The following TRHDE variants were observed in gnomAD, a reference collection of about 807,000 sequenced individuals.
TRHDE encodes the protein thyrotropin releasing hormone degrading enzyme, also known as thyrotropin-releasing hormone-degrading ectoenzyme.
A neutral mutation model predicts 125.7 loss-of-function variants in TRHDE; 72 were observed. The observed-to-expected ratio is 0.57, with a 90% CI of 0.47 to 0.70. The LOEUF is 0.70. TRHDE is among the 30% of genes least tolerant of loss of function. The pLI is 0.00. For synonymous variants in TRHDE, 509 were observed against 509.1 expected (o/e 1.00, Z 0.00); for missense variants, 1,110 against 1,327.1 (o/e 0.84, Z 2.54).
At chr12:72,339,627 G>T (rs1869990084) in intron 2 of TRHDE, among the ~76,000 whole-genome samples, 1 of 151,978 alleles carries the variant, frequency 6.6e-6, no homozygotes, top group Non-Finnish European at 1.5e-5. Context: ...TATTCCTTCT[G>T]CCTGAAAACA....
intron 6 of TRHDE, among the ~76,000 whole-genome samples, chr12:72,502,772 C>T (rs556119809): frequency 1.3e-5 from 2 of 152,238 alleles, no homozygotes; most frequent in East Asian, 1.9e-4. Flanking sequence ...GATTCACTCA[C>T]GTAGTACCAA....
chr12:72,565,815 C>T (rs924769358), intron 9 of TRHDE, among the ~76,000 whole-genome samples: 1 of 151,592 alleles, frequency 6.6e-6, no homozygotes, highest in African/African-American at 2.4e-5. Flanking sequence ...ACAATGAAAA[C>T]GACTGATAAG....
At chr12:72,198,399 A>G (rs1343863413) in intron 2 of TRHDE, among the ~76,000 whole-genome samples, 1 of 152,112 alleles carries the variant, frequency 6.6e-6, no homozygotes, top group Non-Finnish European at 1.5e-5. Context: ...TTATGAGGAC[A>G]GGGATTATAC....
intron 5 of TRHDE, among the ~76,000 whole-genome samples, chr12:72,489,808 G>A (rs549476656): frequency 2.6e-5 from 4 of 151,806 alleles, no homozygotes; most frequent in Admixed American, 6.6e-5. Flanking sequence ...AGAATAAAAT[G>A]AGACTCTTGT....
At chr12:72,234,261 T>A (rs1878300549) in intron 2 of TRHDE, among the ~76,000 whole-genome samples, 1 of 152,184 alleles carries the variant, frequency 6.6e-6, no homozygotes, top group Admixed American at 6.5e-5. Context: ...AGATGTTATC[T>A]TCCCAGCAGC....
chr12:72,328,607 G>A (rs1223483161), intron 2 of TRHDE, among the ~76,000 whole-genome samples: 3 of 151,982 alleles, frequency 2.0e-5, no homozygotes, highest in African/African-American at 4.8e-5. Context: ...GGATTTTAGT[G>A]TATTTTTGCC....
upstream of TRHDE, among the ~76,000 whole-genome samples, chr12:72,268,777 T>G (rs1879126968): frequency 6.6e-6 from 1 of 152,120 alleles, no homozygotes; most frequent in Admixed American, 6.5e-5. Context: ...TAGATTTTAT[T>G]AAAAACAACT....
intron 12 of TRHDE, among the ~76,000 whole-genome samples, chr12:72,597,465 C>T (rs559839248): frequency 6.5e-4 from 99 of 151,588 alleles, no homozygotes; most frequent in Middle Eastern, 3.4e-3. Context: ...GTCAGGAGTT[C>T]GAGACCAGCC....
chr12:72,195,721 A>G (rs1877427849), intron 2 of TRHDE, among the ~76,000 whole-genome samples: 2 of 152,164 alleles, frequency 1.3e-5, no homozygotes, highest in Admixed American at 1.3e-4. Context: ...GAAGCTCTTT[A>G]GTTTAATGAG....
chr12:72,350,646 G>T (rs1870540363), intron 2 of TRHDE, among the ~76,000 whole-genome samples: 1 of 151,874 alleles, frequency 6.6e-6, no homozygotes, highest in South Asian at 2.1e-4. Context: ...GATCTTCTAG[G>T]TACTGAACTC....
intron 2 of TRHDE, chr12:72,262,860 C>T (rs1592504679): frequency 6.6e-6 from 1 of 152,134 alleles, no homozygotes; most frequent in East Asian, 1.9e-4. Context: ...CATTACTTTT[C>T]CACATTGAAA....
At chr12:72,203,996 T>A (rs1877615749) in intron 2 of TRHDE, among the ~76,000 whole-genome samples, 1 of 152,202 alleles carries the variant, frequency 6.6e-6, no homozygotes, top group South Asian at 2.1e-4. Context: ...ACATGGTAGT[T>A]TAGGGGAATC....
intron 2 of TRHDE, among the ~76,000 whole-genome samples, chr12:72,185,941 G>C (rs566667769): frequency 3.4e-4 from 52 of 152,258 alleles, no homozygotes; most frequent in African/African-American, 1.2e-3. Flanking sequence ...TAATCTGATG[G>C]GGACGTGGAG....
chr12:72,527,405 G>A (rs369896634), intron 6 of TRHDE, among the ~76,000 whole-genome samples: 37 of 152,162 alleles, frequency 2.4e-4, no homozygotes, highest in Middle Eastern at 6.8e-3. Context: ...TAAAGAATTC[G>A]ATTTAGGGCA....
intron 1 of TRHDE, among the ~76,000 whole-genome samples, chr12:72,094,120 C>T (rs1353057236): frequency 6.6e-6 from 1 of 152,182 alleles, no homozygotes; most frequent in African/African-American, 2.4e-5. Context: ...CTGAATTTGG[C>T]ATAATTCCTG....
rs555617827 is a variant in TRHDE, at chr12:72,540,855, G to C, written c.1723-1436G>C. On this transcript the variant is annotated intron_variant, in intron 6 of 18. Coordinates refer to ENST00000261180, the MANE Select transcript of TRHDE (RefSeq NM_013381.3). ...GTGAGAAGAAAAAAAATCAGAAAAG[G>C]CATAAAACTATTATATTTCAGCCTA... Among the ~76,000 whole-genome samples, 5 of 151,678 alleles carry C rather than the reference G, an allele frequency of 3.3e-5. No individual in the cohort carries two copies. In the South Asian group the frequency reaches 1.0e-3, roughly 31 times the overall value.
chr12:72,165,738 G>A (rs146912858), intron 2 of TRHDE, among the ~76,000 whole-genome samples: 4 of 151,432 alleles, frequency 2.6e-5, no homozygotes, highest in African/African-American at 9.7e-5. Context: ...TCAGGGGCAC[G>A]ATCTTGGCTC....
At position 72,523,101 on chromosome 12, in the gene TRHDE, T is replaced by C. The variant is rs553903508; in HGVS notation, c.1723-19190T>C. ...CCTGTTGTAGGCAGAAGCCATGATG[T>C]TGCTGGTGGATTACATGAGAAACTT... On this transcript the variant is annotated intron_variant, in intron 6 of 18. Transcript: ENST00000261180. Among the ~76,000 whole-genome samples the C allele has an allele frequency of 5.9e-5, 9 of 152,146 alleles. No individual in the cohort carries two copies. The South Asian group carries it at 1.5e-3, about 25-fold the overall frequency.
intron 5 of TRHDE, among the ~76,000 whole-genome samples, chr12:72,481,667 C>T (rs1183755373): frequency 1.3e-5 from 2 of 150,858 alleles, no homozygotes. Context: ...GATATTTTTG[C>T]TAGAACATGT....
Sources: gnomAD v4.1 joint callset for allele counts (sites outside exome capture counted in the v4.1 genomes callset) on GRCh38, gnomAD v4.1.1 for gene constraint, MANE v1.5 for transcripts, NCBI Gene and HGNC (gene_info 2026-07-23, HGNC 2026-07-21) for gene names.